KSR2: variants seen among roughly 807,000 people sequenced by gnomAD.
KSR2 encodes the protein kinase suppressor of ras 2.
Under a neutral mutation model 107.8 loss-of-function variants are expected in KSR2, and 25 were observed. The observed-to-expected ratio is 0.23, with a 90% CI of 0.17 to 0.32. The LOEUF is 0.32. Ranked by LOEUF, KSR2 falls within the 10% of genes least tolerant of loss-of-function variation. The pLI, the probability that KSR2 is intolerant of heterozygous loss-of-function variation, is 1.00. For missense variants in KSR2, 887 were observed against 1,268.9 expected (o/e 0.70, Z 4.57); for synonymous variants, 480 against 507.0 (o/e 0.95, Z 0.71).
At chr12:117,933,044 C>T (rs1034570848) in intron 1 of KSR2, among the ~76,000 whole-genome samples, 3 of 151,860 alleles carry the variant, frequency 2.0e-5, no homozygotes, top group African/African-American at 7.3e-5. Flanking sequence ...ACAAAAAGAT[C>T]ATGCACACCC....
At chr12:117,794,782 T>A (rs890135121) in intron 3 of KSR2, among the ~76,000 whole-genome samples, 1 of 152,118 alleles carries the variant, frequency 6.6e-6, no homozygotes, top group Non-Finnish European at 1.5e-5. Context: ...ACACACAGAA[T>A]AGTCACTTTA....
rs546779288 is a variant in KSR2, at chr12:117,958,315, G to A, written c.180+9761C>T. 8.5e-5 allele frequency among the ~76,000 whole-genome samples: 13 copies of A among 152,264 alleles called. 1 individual carries two copies. The South Asian group carries it at 2.7e-3, about 32-fold the overall frequency. On this transcript the variant is annotated intron_variant, in intron 1 of 19. Coordinates refer to ENST00000339824, the MANE Select transcript of KSR2 (RefSeq NM_173598.6). ...AAAATAAAATATACACCTGTGCTGA[G>A]GGTATGGGGAAATGAACCCTTTCCA... is the stretch of plus-strand genomic sequence containing the variant.
At chr12:117,522,123 T>C (rs1480737390) in intron 14 of KSR2, among the ~76,000 whole-genome samples, 1 of 152,116 alleles carries the variant, frequency 6.6e-6, no homozygotes, top group East Asian at 1.9e-4. Context: ...TAGGCAGTTA[T>C]GGCGCTTGGG....
chr12:117,650,557 G>A (rs1387424468), intron 5 of KSR2, among the ~76,000 whole-genome samples: 1 of 152,126 alleles, frequency 6.6e-6, no homozygotes. Flanking sequence ...ACCCAAAAAT[G>A]CTAAGGACTC....
intron 15 of KSR2, among the ~76,000 whole-genome samples, chr12:117,485,161 T>G (rs1093311): frequency 0.27 from 41,377 of 152,082 alleles, 5,729 homozygotes; most frequent in East Asian, 0.31. Flanking sequence ...TAAGGCCCCT[T>G]CCAGAAAACA....
rs1046546017 is a variant in KSR2, at chr12:117,459,506, T to C, written c.*7693A>G. The C allele has an allele frequency of 4.6e-5, 7 of 152,218 alleles. No individual in the cohort carries two copies. Among genetic ancestry groups the C allele is most frequent in the Admixed American group, 3.3e-4 (5 of 15,274 alleles). 9.4% of individuals were successfully genotyped at this position (152,218 alleles called of 1,614,324 possible). On this transcript the variant is annotated 3_prime_UTR_variant, in exon 20 of 20. Coordinates refer to ENST00000339824, the MANE Select transcript of KSR2 (RefSeq NM_173598.6). The stretch of plus-strand genomic sequence containing the variant: ...AGAGTACAGCAGGGGACACTGGTGG[T>C]AGATCCATTACATATTTGTACTCCT...
chr12:117,470,576 C>T (rs1481788113), intron 18 of KSR2, among the ~76,000 whole-genome samples: 1 of 152,218 alleles, frequency 6.6e-6, no homozygotes, highest in East Asian at 1.9e-4. Context: ...CCTGGGGTCT[C>T]CATCCATATC....
At chr12:117,678,793 A>T (rs1885248150) in intron 4 of KSR2, among the ~76,000 whole-genome samples, 1 of 152,112 alleles carries the variant, frequency 6.6e-6, no homozygotes, top group South Asian at 2.1e-4. Flanking sequence ...CTGAATTCCA[A>T]ATGGCCCTGG....
chr12:117,905,767 G>A (rs1894822290), intron 1 of KSR2, among the ~76,000 whole-genome samples: 2 of 151,426 alleles, frequency 1.3e-5, no homozygotes, highest in South Asian at 4.2e-4. Context: ...GTGATACAAG[G>A]AAAATAATAA....
At chr12:117,705,418 C>T (rs79092789) in intron 4 of KSR2, among the ~76,000 whole-genome samples, 2,045 of 152,318 alleles carry the variant, frequency 0.013, 51 homozygotes, top group African/African-American at 0.045. Context: ...CACAAGACAC[C>T]GGACAATGGG....
chr12:117,771,964 G>A (rs1429652849), intron 3 of KSR2, among the ~76,000 whole-genome samples: 5 of 141,334 alleles, frequency 3.5e-5, no homozygotes, highest in East Asian at 2.1e-4. Context: ...CATCAAAGAC[G>A]CACACACACT....
chr12:117,710,404 T>C (rs915542823), intron 4 of KSR2, among the ~76,000 whole-genome samples: 1 of 152,182 alleles, frequency 6.6e-6, no homozygotes, highest in East Asian at 1.9e-4. Context: ...GCAAAGTGTG[T>C]ATTAGGGCTG....
intron 1 of KSR2, among the ~76,000 whole-genome samples, chr12:117,954,949 G>A (rs1048480719): frequency 1.3e-5 from 2 of 151,518 alleles, no homozygotes; most frequent in African/African-American, 2.4e-5. Flanking sequence ...CCCAGTACAC[G>A]GAGGTTGCAG....
rs185944392 is a variant in KSR2 at position 117,945,401 on chromosome 12, G to A, written c.180+22675C>T. Reference sequence around the variant, plus strand: ...CATAATTGAATTAAACTGGCTGAGCGCAGTGACTCACAACTGTAATCCCAG... The same window carrying A: ...CATAATTGAATTAAACTGGCTGAGCACAGTGACTCACAACTGTAATCCCAG... On this transcript the variant is annotated intron_variant, in intron 1 of 19. Transcript: ENST00000339824. 1.4e-3 allele frequency among the ~76,000 whole-genome samples: 211 copies of A among 152,282 alleles called. 1 individual carries two copies. The Middle Eastern group carries it at 0.02, about 15-fold the overall frequency.
At chr12:117,807,733 T>G (rs1891059135) in intron 3 of KSR2, among the ~76,000 whole-genome samples, 1 of 152,246 alleles carries the variant, frequency 6.6e-6, no homozygotes, top group Non-Finnish European at 1.5e-5. Context: ...TTTCAAGGAC[T>G]GAGAATGTGG....
chr12:117,646,936 G>A (rs1312357165), intron 5 of KSR2, among the ~76,000 whole-genome samples: 3 of 152,172 alleles, frequency 2.0e-5, no homozygotes, highest in Non-Finnish European at 4.4e-5. Flanking sequence ...AAGGGTGGAT[G>A]ATTACAGCCA....
At chr12:117,571,796 C>T (rs1359539307) in intron 7 of KSR2, among the ~76,000 whole-genome samples, 1 of 152,144 alleles carries the variant, frequency 6.6e-6, no homozygotes, top group Non-Finnish European at 1.5e-5. Context: ...CGGAGAATAT[C>T]ACAATTCCTA....
In KSR2 at chr12:117,820,183, C is replaced by A. The variant is rs1338614568; in HGVS notation, c.472+35245G>T. Among the ~76,000 whole-genome samples the A allele has an allele frequency of 2.6e-5, 4 of 152,252 alleles. No individual in the cohort carries two copies. The South Asian group carries it at 8.3e-4, about 32-fold the overall frequency. On this transcript the variant is annotated intron_variant, in intron 3 of 19. Coordinates refer to ENST00000339824, the MANE Select transcript of KSR2 (RefSeq NM_173598.6). ...CAGCTAAGGGTTCCCCCCTACCCAGCTCTATGAGAGGGAGAAATCAGAGGA... is the reference window on the plus strand; with the variant it reads ...CAGCTAAGGGTTCCCCCCTACCCAGATCTATGAGAGGGAGAAATCAGAGGA...
intron 7 of KSR2, among the ~76,000 whole-genome samples, chr12:117,564,688 C>T (rs1878351539): frequency 6.6e-6 from 1 of 152,128 alleles, no homozygotes; most frequent in South Asian, 2.1e-4. Flanking sequence ...GAATCTAGGT[C>T]TCCCTCATGT....
Sources: gnomAD v4.1 joint callset for allele counts (sites outside exome capture counted in the v4.1 genomes callset) on GRCh38, gnomAD v4.1.1 for gene constraint, MANE v1.5 for transcripts, NCBI Gene and HGNC (gene_info 2026-07-23, HGNC 2026-07-21) for gene names.